MACC1: variants seen among roughly 807,000 people sequenced by gnomAD.
MACC1 encodes MET transcriptional regulator MACC1.
A neutral mutation model predicts 70.7 loss-of-function variants in MACC1; 79 were observed. That is an observed-to-expected ratio of 1.12 (90% CI 0.93 to 1.35). The LOEUF (loss-of-function observed/expected upper bound fraction) is 1.35, where lower values mean the gene tolerates loss of function less well. Ranked by LOEUF, MACC1 falls within the 40% of genes most tolerant of loss-of-function variation. MACC1 has a pLI of 0.00. For synonymous variants in MACC1, 361 were observed against 347.2 expected (o/e 1.04, Z -0.44); for missense variants, 1,106 against 978.1 (o/e 1.13, Z -1.74).
intron 1 of MACC1, among the ~76,000 whole-genome samples, chr7:20,213,444 T>C (rs1783026839): frequency 6.6e-6 from 1 of 152,228 alleles, no homozygotes; most frequent in Admixed American, 6.5e-5. Context: ...CAAAGGAATA[T>C]GAATCATCCT....
chr7:20,151,506 T>C lies in MACC1; in HGVS notation c.2346+2687A>G, dbSNP rs1781977959. Among the ~76,000 whole-genome samples, 6 of 152,238 alleles carry C rather than the reference T, an allele frequency of 3.9e-5. No individual in the cohort carries two copies. In the South Asian group the frequency reaches 1.2e-3, roughly 31 times the overall value. ...TTGCTTATTATCAGATTCCAAGCTT[T>C]ACAGCTTTGCTTTTATGTAGTAATT... On this transcript the variant is annotated intron_variant, in intron 6 of 6. Coordinates refer to ENST00000400331, the MANE Select transcript of MACC1 (RefSeq NM_182762.4).
intron 2 of MACC1, among the ~76,000 whole-genome samples, chr7:20,165,677 T>C (rs552485198): frequency 9.9e-5 from 15 of 152,220 alleles, no homozygotes; most frequent in East Asian, 7.7e-4. Flanking sequence ...TCAATGACAA[T>C]TGCCGCCCAA....
rs1453605979 is a variant in MACC1 at position 20,162,531 on chromosome 7, TC to T, written c.-8-662del. On this transcript the variant is annotated intron_variant, in intron 3 of 6. Transcript: ENST00000400331. Reference sequence around the variant, plus strand: ...AAGTAACTGCACTACCTATCAGATATCAGCATTTATCATAAATAGGCTCTAA... The same window carrying T: ...AAGTAACTGCACTACCTATCAGATATAGCATTTATCATAAATAGGCTCTAA... Among the ~76,000 whole-genome samples the T allele has an allele frequency of 2.6e-5, 4 of 152,110 alleles. No individual in the cohort carries two copies. In the East Asian group the frequency reaches 7.7e-4, roughly 29 times the overall value.
intron 5 of MACC1, among the ~76,000 whole-genome samples, chr7:20,157,781 A>AG (rs1222045233): frequency 4.4e-4 from 66 of 151,396 alleles, no homozygotes; most frequent in African/African-American, 1.6e-3. Flanking sequence ...AAAAAAAAAA[A>AG]AAAAAAAGAA....
rs139159035 is a variant in MACC1, at chr7:20,176,777, A to G, written c.-217-5999T>C. Among the ~76,000 whole-genome samples the G allele has an allele frequency of 4.6e-5, 7 of 152,174 alleles. No homozygotes were observed. The East Asian group carries it at 1.3e-3, about 29-fold the overall frequency. The stretch of plus-strand genomic sequence containing the variant: ...AAAGAAACTATTAACACATGCAACA[A>G]CTTAGATACATCTCAGGCATTATGC... On this transcript the variant is annotated intron_variant, in intron 1 of 6. Coordinates refer to ENST00000400331, the MANE Select transcript of MACC1 (RefSeq NM_182762.4).
chr7:20,201,207 T>G (rs1782828719), intron 1 of MACC1, among the ~76,000 whole-genome samples: 1 of 152,088 alleles, frequency 6.6e-6, no homozygotes, highest in African/African-American at 2.4e-5. Context: ...GATCATGCAA[T>G]ACAAGAGGCC....
chr7:20,180,269 C>T (rs1782481773), intron 1 of MACC1, among the ~76,000 whole-genome samples: 1 of 150,786 alleles, frequency 6.6e-6, no homozygotes, highest in Non-Finnish European at 1.5e-5. Context: ...ACGGTAAAAC[C>T]CCGTCTCTAC....
At chr7:20,182,260 G>A (rs985582265) in intron 1 of MACC1, among the ~76,000 whole-genome samples, 1 of 151,762 alleles carries the variant, frequency 6.6e-6, no homozygotes, top group African/African-American at 2.4e-5. Flanking sequence ...GTTAATGGGT[G>A]CAGCACACCA....
chr7:20,175,057 T>C (rs950196097), intron 1 of MACC1, among the ~76,000 whole-genome samples: 1 of 152,122 alleles, frequency 6.6e-6, no homozygotes, highest in African/African-American at 2.4e-5. Context: ...TCTAATTTTA[T>C]GTTGACAAAT....
chr7:20,154,902 T>TA (rs199700276), intron 5 of MACC1, among the ~76,000 whole-genome samples: 1,864 of 151,496 alleles, frequency 0.012, 16 homozygotes, highest in Non-Finnish European at 0.02. Flanking sequence ...CTGCTGTGTT[T>TA]AAAAAAAAGA....
At chr7:20,144,489 C>G (rs1781857174) in intron 6 of MACC1, among the ~76,000 whole-genome samples, 1 of 152,122 alleles carries the variant, frequency 6.6e-6, no homozygotes, top group Non-Finnish European at 1.5e-5. Context: ...ATAAACTAAT[C>G]AAGTTATTTC....
chr7:20,141,195 G>T, intron 6 of MACC1, 37 bp from the exon 7 acceptor site: 1 of 1,389,648 alleles, frequency 7.2e-7, no homozygotes, highest in Non-Finnish European at 9.8e-7. Context: ...TAGTGTGGAA[G>T]TAGAAAGGAG....
At chr7:20,180,783 G>A (rs1050769052) in intron 1 of MACC1, among the ~76,000 whole-genome samples, 2 of 152,100 alleles carry the variant, frequency 1.3e-5, no homozygotes, top group Non-Finnish European at 2.9e-5. Context: ...GGAAGCAGAG[G>A]TTTCAGTGAG....
intron 6 of MACC1, chr7:20,153,125 T>A (rs918084894): frequency 2.0e-5 from 3 of 152,192 alleles, no homozygotes; most frequent in African/African-American, 7.2e-5. Flanking sequence ...CCCTGGTTGC[T>A]CCTGGCTAAA....
chr7:20,187,348 T>C (rs1403178841), intron 1 of MACC1, among the ~76,000 whole-genome samples: 5 of 152,042 alleles, frequency 3.3e-5, no homozygotes, highest in South Asian at 2.1e-4. Flanking sequence ...ACAAAAAAAT[T>C]CTTAAAATTG....
chr7:20,143,392 C>CTTTGT (rs940335237), intron 6 of MACC1, among the ~76,000 whole-genome samples: 6 of 152,092 alleles, frequency 3.9e-5, no homozygotes, highest in African/African-American at 1.4e-4. Context: ...TGTTGCTTTG[C>CTTTGT]TTTGTTTTGT....
intron 1 of MACC1, among the ~76,000 whole-genome samples, chr7:20,198,352 C>T (rs1782784829): frequency 6.6e-6 from 1 of 152,196 alleles, no homozygotes; most frequent in African/African-American, 2.4e-5. Context: ...GATCCACAGA[C>T]AGCATGGGAG....
Position 20,158,466 on chromosome 7 carries a change from G to A in MACC1, c.1895C>T (p.Thr632Ile). 6.2e-7 allele frequency: 1 copy of A among 1,613,982 alleles called. No homozygotes were observed. Among genetic ancestry groups the A allele is most frequent in the Non-Finnish European group, 8.5e-7 (1 of 1,179,980 alleles). The change falls in exon 5 of 7, where the codon ACC (threonine) becomes ATC (isoleucine). Residue 632 changes from threonine to isoleucine, a missense_variant. Transcript: ENST00000400331. ...VMFMSDSVFT[T>I]RNLLEQIVLP... ...GACAATCTGTTCAAGAAGATTTCTG[G>A]TTGTAAAGACACTATCTGACATAAA...
intron 1 of MACC1, among the ~76,000 whole-genome samples, chr7:20,209,859 G>A (rs555012819): frequency 4.6e-5 from 7 of 152,134 alleles, no homozygotes; most frequent in Non-Finnish European, 8.8e-5. Flanking sequence ...GAATCATGGG[G>A]GCAGTTCCCC....
Sources: allele counts gnomAD v4.1 joint callset (sites outside exome capture counted in the v4.1 genomes callset), GRCh38; gene constraint gnomAD v4.1.1; transcripts MANE v1.5; gene names NCBI Gene and HGNC (gene_info 2026-07-23, HGNC 2026-07-21).